The following UBE2D4 variants were observed in gnomAD, a reference collection of about 807,000 sequenced individuals.
The protein encoded by UBE2D4 is ubiquitin conjugating enzyme E2 D4, also known as ubiquitin-conjugating enzyme E2 D4.
UBE2D4 carries 17 observed loss-of-function variants against 23.0 expected under a neutral mutation model. The observed-to-expected ratio is 0.74, with a 90% CI of 0.51 to 1.11. The LOEUF (loss-of-function observed/expected upper bound fraction) is 1.11. Ranked by LOEUF, UBE2D4 falls within the 50% of genes least tolerant of loss-of-function variation. UBE2D4 has a pLI of 0.00. For synonymous variants in UBE2D4, 61 were observed against 69.4 expected (o/e 0.88, Z 0.60); for missense variants, 139 against 181.8 (o/e 0.76, Z 1.35).
At chr7:43,946,937 T>C (rs552390066) in intron 4 of UBE2D4, among the ~76,000 whole-genome samples, 1 of 152,198 alleles carries the variant, frequency 6.6e-6, no homozygotes, top group African/African-American at 2.4e-5. Flanking sequence ...CGTGCAGGTT[T>C]GTTACATAGG....
intron 1 of UBE2D4, among the ~76,000 whole-genome samples, chr7:43,930,772 G>A (rs2095943511): frequency 6.6e-6 from 1 of 152,066 alleles, no homozygotes; most frequent in African/African-American, 2.4e-5. Context: ...GTTATATGTG[G>A]CAGCATTTCA....
chr7:43,932,224 C>A (rs988380090), intron 1 of UBE2D4, among the ~76,000 whole-genome samples: 1 of 148,980 alleles, frequency 6.7e-6, no homozygotes, highest in Non-Finnish European at 1.5e-5. Flanking sequence ...CTCCTGACCT[C>A]GTGATCCACC....
chr7:43,927,710 G>A (rs2095935826), intron 1 of UBE2D4, among the ~76,000 whole-genome samples: 1 of 152,166 alleles, frequency 6.6e-6, no homozygotes, highest in South Asian at 2.1e-4. Flanking sequence ...AGACAGACCT[G>A]GGTTAGAGAA....
chr7:43,936,235 T>C (rs993073656), intron 1 of UBE2D4, among the ~76,000 whole-genome samples: 7 of 152,188 alleles, frequency 4.6e-5, no homozygotes, highest in African/African-American at 1.7e-4. Flanking sequence ...TGTGTTAGTT[T>C]ATTTGCCAGC....
intron 1 of UBE2D4, among the ~76,000 whole-genome samples, chr7:43,937,322 C>T (rs1409937093): frequency 6.6e-6 from 1 of 152,180 alleles, no homozygotes; most frequent in Non-Finnish European, 1.5e-5. Context: ...TGCTGAGGGG[C>T]ACATAGCAGA....
At chr7:43,934,748 C>G (rs748274415) in intron 1 of UBE2D4, among the ~76,000 whole-genome samples, 7 of 151,402 alleles carry the variant, frequency 4.6e-5, no homozygotes, top group Non-Finnish European at 8.8e-5. Flanking sequence ...AATATTTTTT[C>G]TCATCACATG....
intron 6 of UBE2D4, among the ~76,000 whole-genome samples, chr7:43,950,972 G>T (rs1374781089): frequency 6.6e-6 from 1 of 152,208 alleles, no homozygotes; most frequent in Non-Finnish European, 1.5e-5. Context: ...GCCAAGCCCT[G>T]CCCTCAAGAC....
chr7:43,936,710 C>T (rs1046957218), intron 1 of UBE2D4, among the ~76,000 whole-genome samples: 2 of 152,154 alleles, frequency 1.3e-5, no homozygotes, highest in Non-Finnish European at 2.9e-5. Context: ...CCACTATTAT[C>T]TTGATATTTA....
rs532700576 is a variant in UBE2D4 at position 43,927,284 on chromosome 7, AAGT to A, written c.24+733_24+735del. Among the ~76,000 whole-genome samples, 897 of 151,306 alleles carry A rather than the reference AAGT, an allele frequency of 5.9e-3. 6 individuals carry two copies. The highest frequency in any genetic ancestry group is 9.1e-3 in the Admixed American group (137 of 15,114). ...TAATAGTAAATGTAAGCATGTTGTG[AAGT>A]AGTATTTATAACTTTTTTTTTTTTT... On this transcript the variant is annotated intron_variant, in intron 1 of 6. Coordinates refer to ENST00000222402, the MANE Select transcript of UBE2D4 (RefSeq NM_015983.4).
intron 1 of UBE2D4, among the ~76,000 whole-genome samples, chr7:43,932,051 C>T (rs1052735095): frequency 5.3e-5 from 8 of 150,900 alleles, no homozygotes; most frequent in African/African-American, 2.0e-4. Flanking sequence ...TGCAGTGGCA[C>T]GATCTCGGCT....
rs2095982022 is a variant in UBE2D4, at chr7:43,944,867, T to TCCATAA, written c.198+1836_198+1837insCCATAA. 6.6e-6 allele frequency: 1 copy of TCCATAA among 152,224 alleles called. No individual in the cohort carries two copies. The highest frequency in any genetic ancestry group is 6.5e-5 in the Admixed American group (1 of 15,276). The allele number at this position is 152,224 out of a possible 1,614,324, so 9.4% of individuals were successfully genotyped here. A position where few individuals can be genotyped will look rare whatever the true frequency, so the allele number is the denominator to read the frequency against. On this transcript the variant is annotated intron_variant, in intron 4 of 6. Transcript: ENST00000222402. This position sits in a 1 kb window ranked among gnomAD's most constrained non-coding sequence, Gnocchi z 4.0. ...TTCTAGCTTGTCTCTTTCATTACTG[T>TCCATAA]GTGAGCAGCTGAGGATTTTCCTTAA...
At chr7:43,928,153 C>A in intron 1 of UBE2D4, 1 of 401,804 alleles carries the variant, frequency 2.5e-6, no homozygotes. Context: ...TTTTAAACAC[C>A]CAGATCTCAC....
chr7:43,952,516 C>T (rs1454953313), intron 6 of UBE2D4, 134 bp from the exon 7 acceptor site: 11 of 795,846 alleles, frequency 1.4e-5, no homozygotes, highest in Non-Finnish European at 2.4e-5. Context: ...CTTTATTCCA[C>T]TCACCCATCA....
chr7:43,951,046 T>G (rs2096001258), intron 6 of UBE2D4, among the ~76,000 whole-genome samples: 1 of 152,192 alleles, frequency 6.6e-6, no homozygotes, highest in Admixed American at 6.5e-5. Context: ...AAAATTCTGA[T>G]TTAAATTCTA....
At chr7:43,934,739 A>AT in intron 1 of UBE2D4, among the ~76,000 whole-genome samples, 1 of 151,984 alleles carries the variant, frequency 6.6e-6, no homozygotes, top group East Asian at 1.9e-4. Context: ...ACTAAAAAAA[A>AT]TATTTTTTCT....
chr7:43,939,258 C>T (rs963565621), intron 2 of UBE2D4, among the ~76,000 whole-genome samples: 4 of 152,206 alleles, frequency 2.6e-5, no homozygotes, highest in Admixed American at 1.3e-4. Flanking sequence ...AAGGGCAGTC[C>T]CTATTATTTT....
At chr7:43,943,329 C>T (rs1337213888) in intron 4 of UBE2D4, 2 of 528,304 alleles carry the variant, frequency 3.8e-6, no homozygotes, top group African/African-American at 3.8e-5. Flanking sequence ...TGGCTCCCTT[C>T]TCTGCAGTCC....
chr7:43,946,578 T>C (rs982953188), intron 4 of UBE2D4, among the ~76,000 whole-genome samples: 1 of 152,206 alleles, frequency 6.6e-6, no homozygotes, highest in African/African-American at 2.4e-5. Context: ...GCTTTTCCCA[T>C]AGCAATATAT....
In UBE2D4 at chr7:43,948,700, G is replaced by C; in HGVS notation, c.267G>C (p.Leu89=). The change falls in exon 5 of 7, where the codon CTG becomes CTC. Residue 89 remains leucine (L), a synonymous_variant. Transcript: ENST00000222402. ...NSNGSICLDI[L]RSQWSPALTV... is the part of the protein sequence containing the mutation. ...ATGGCAGCATCTGCCTTGATATCCT[G>C]CGGTCTCAGTGGTCTCCAGCGTTGA... 1 of 1,613,848 alleles carries C rather than the reference G, an allele frequency of 6.2e-7. No individual in the cohort carries two copies.
Sources: allele counts gnomAD v4.1 joint callset (sites outside exome capture counted in the v4.1 genomes callset), GRCh38; gene constraint gnomAD v4.1.1; non-coding constraint Gnocchi (gnomAD v3.1); transcripts MANE v1.5; gene names NCBI Gene and HGNC (gene_info 2026-07-23, HGNC 2026-07-21).